The following KDM5B variants were observed in gnomAD, a reference collection of about 807,000 sequenced individuals.
The protein encoded by KDM5B is lysine-specific demethylase 5B.
A neutral mutation model predicts 193.4 loss-of-function variants in KDM5B; 144 were observed. The observed-to-expected ratio is 0.74, with a 90% CI of 0.65 to 0.86. The LOEUF (loss-of-function observed/expected upper bound fraction) is 0.86, where lower values mean the gene tolerates loss of function less well. KDM5B is among the 40% of genes least tolerant of loss of function. KDM5B has a pLI of 0.00. For synonymous variants in KDM5B, 668 were observed against 682.6 expected (o/e 0.98, Z 0.33); for missense variants, 1,833 against 1,886.9 (o/e 0.97, Z 0.53).
At chr1:202,795,912 T>C (rs1572779030) in intron 1 of KDM5B, 2 of 152,152 alleles carry the variant, frequency 1.3e-5, no homozygotes, top group East Asian at 1.9e-4. Context: ...TAATAAAATA[T>C]AGGGAGTAAA....
At position 202,758,438 on chromosome 1, in the gene KDM5B, C is replaced by G; in HGVS notation, c.1150G>C (p.Glu384Gln). 1.2e-6 allele frequency: 2 copies of G among 1,613,230 alleles called. No individual in the cohort carries two copies. The highest frequency in any genetic ancestry group is 1.7e-6 in the Non-Finnish European group (2 of 1,179,416). ...TCAGATTTGAACGCATCTGCCATTTCCCCAAAAGTACGGAGGGTATAGTCC... is the reference window on the plus strand; with the variant it reads ...TCAGATTTGAACGCATCTGCCATTTGCCCAAAAGTACGGAGGGTATAGTCC... The part of the protein sequence containing the change: ...ARDYTLRTFG[E>Q]MADAFKSDYF... The change falls in exon 9 of 27, where the codon GAA becomes CAA. Residue 384 changes from glutamate to glutamine, a missense_variant. By Grantham distance (29) the Glu-to-Gln change is conservative. This residue lies in a region of KDM5B where 99 missense variants were observed against 162.4 expected (regional missense o/e 0.61). Coordinates refer to ENST00000367265, the MANE Select transcript of KDM5B (RefSeq NM_006618.5).
intron 1 of KDM5B, among the ~76,000 whole-genome samples, chr1:202,786,178 A>G (rs868111164): frequency 6.4e-5 from 1 of 15,744 alleles, no homozygotes; most frequent in Non-Finnish European, 1.5e-4. Context: ...TTTTTTTTTT[A>G]AGAGACGGGG....
At chr1:202,750,189 T>G (rs1352967081) in intron 13 of KDM5B, among the ~76,000 whole-genome samples, 1 of 152,242 alleles carries the variant, frequency 6.6e-6, no homozygotes, top group Non-Finnish European at 1.5e-5. Flanking sequence ...ATTTACACTG[T>G]GGTACAAGTG....
intron 1 of KDM5B, among the ~76,000 whole-genome samples, chr1:202,805,629 A>G (rs887638996): frequency 3.3e-5 from 5 of 152,178 alleles, no homozygotes; most frequent in African/African-American, 9.7e-5. Flanking sequence ...TATATATATC[A>G]CCATGGAAAA....
At chr1:202,797,054 A>G (rs1255956244) in intron 1 of KDM5B, 1 of 152,220 alleles carries the variant, frequency 6.6e-6, no homozygotes, top group African/African-American at 2.4e-5. Flanking sequence ...GAGTTCAGCA[A>G]AAGTCTCTTA....
At chr1:202,793,883 G>A (rs950818316) in intron 1 of KDM5B, among the ~76,000 whole-genome samples, 1 of 152,102 alleles carries the variant, frequency 6.6e-6, no homozygotes, top group Admixed American at 6.6e-5. Flanking sequence ...CCAGAAGAGT[G>A]GGCTGCTACC....
At chr1:202,798,381 C>T (rs1657936937) in intron 1 of KDM5B, among the ~76,000 whole-genome samples, 1 of 151,242 alleles carries the variant, frequency 6.6e-6, no homozygotes, top group African/African-American at 2.4e-5. Context: ...GCAATCCTCC[C>T]ACCTGCACCT....
At chr1:202,766,243 C>T (rs186840342) in intron 5 of KDM5B, among the ~76,000 whole-genome samples, 48 of 152,158 alleles carry the variant, frequency 3.2e-4, no homozygotes, top group Non-Finnish European at 5.4e-4. Flanking sequence ...AGATGGCTCA[C>T]GCCTGTAATC....
chr1:202,767,228 C>CT (rs1656505917), intron 4 of KDM5B, 168 bp from the exon 5 acceptor site: 2 of 1,579,062 alleles, frequency 1.3e-6, no homozygotes, highest in Non-Finnish European at 1.7e-6. Context: ...CTGAAACACC[C>CT]TTATGTTTTA....
rs200183374 is a variant in KDM5B, at chr1:202,742,648, C to T, written c.2474+7G>A. ...GAATCCAAACTCACGCAGTCAGAAG[C>T]GCATACCTAGTTTGCCTTTTGCCAT... On this transcript the variant is annotated splice_region_variant and intron_variant, in intron 17 of 26. Coordinates refer to ENST00000367265, the MANE Select transcript of KDM5B (RefSeq NM_006618.5). The T allele has an allele frequency of 4.0e-4, 640 of 1,613,668 alleles. 1 individual carries two copies. Among genetic ancestry groups the T allele is most frequent in the Non-Finnish European group, 2.1e-4 (246 of 1,179,794 alleles).
In KDM5B at chr1:202,767,152, C is replaced by T. The variant is rs746067514; in HGVS notation, c.577-92G>A. 8.8e-5 allele frequency: 138 copies of T among 1,576,044 alleles called. 1 individual carries two copies. In the South Asian group the frequency reaches 1.2e-3, roughly 14 times the overall value. ...ACATATCTAGCATGCCACATGAGTTCGAGTTTGATCTACTTCCAGAGGCTG... is the reference window on the plus strand; with the variant it reads ...ACATATCTAGCATGCCACATGAGTTTGAGTTTGATCTACTTCCAGAGGCTG... On this transcript the variant is annotated intron_variant, in intron 4 of 26. Coordinates refer to ENST00000367265, the MANE Select transcript of KDM5B (RefSeq NM_006618.5).
At chr1:202,789,397 T>C (rs1558515323) in intron 1 of KDM5B, among the ~76,000 whole-genome samples, 3 of 150,484 alleles carry the variant, frequency 2.0e-5, no homozygotes, top group Non-Finnish European at 4.4e-5. Context: ...GGTGGGCGCC[T>C]ATAATCCCAG....
rs1331376598 is a variant in KDM5B at position 202,808,085 on chromosome 1, G to A, written c.204+17C>T. The stretch of plus-strand genomic sequence containing the variant: ...CCCCCAGCCACGAGCTGGATCCGGG[G>A]TGCTGGCGTGACTCACCGGCGGCGG... On this transcript the variant is annotated intron_variant, in intron 1 of 26. Coordinates refer to ENST00000367265, the MANE Select transcript of KDM5B (RefSeq NM_006618.5). 4 of 1,608,558 alleles carry A rather than the reference G, an allele frequency of 2.5e-6. No individual in the cohort carries two copies. Among genetic ancestry groups the A allele is most frequent in the Non-Finnish European group, 3.4e-6 (4 of 1,177,984 alleles).
rs1283430371 is a variant in KDM5B at position 202,746,239 on chromosome 1, T to C, written c.2101A>G (p.Met701Val). 5 of 1,613,632 alleles carry C rather than the reference T, an allele frequency of 3.1e-6. No individual in the cohort carries two copies. The highest frequency in any genetic ancestry group is 1.6e-4 in the Middle Eastern group (1 of 6,062). ...TTACAAGAACAGGAGATGGCAGACATGAAGCATGTAGTTTTGCATTTTACA... is the reference window on the plus strand; with the variant it reads ...TTACAAGAACAGGAGATGGCAGACACGAAGCATGTAGTTTTGCATTTTACA... ...QCVKCKTTCF[M>V]SAISCSCKPG... Residue 701 changes from methionine to valine, a missense_variant, in exon 15 of 27, where the codon ATG becomes GTG. Met to Val is a conservative substitution (Grantham distance 21). This residue lies in a region of KDM5B where 1,379 missense variants were observed against 1,349.6 expected (regional missense o/e 1.02). Transcript: ENST00000367265.
chr1:202,787,586 G>A (rs989933713), intron 1 of KDM5B, among the ~76,000 whole-genome samples: 1 of 151,750 alleles, frequency 6.6e-6, no homozygotes, highest in African/African-American at 2.4e-5. Context: ...ATATTGTTTC[G>A]GTTAAAAGTA....
At chr1:202,762,587 A>C in intron 7 of KDM5B, 112 bp downstream of exon 7, 1 of 695,570 alleles carries the variant, frequency 1.4e-6, no homozygotes, top group Admixed American at 2.3e-5. Flanking sequence ...TAAGTTAAAC[A>C]ATCTTATTTA....
At chr1:202,752,505 A>T (rs879760584) in intron 12 of KDM5B, among the ~76,000 whole-genome samples, 1 of 152,184 alleles carries the variant, frequency 6.6e-6, no homozygotes, top group Non-Finnish European at 1.5e-5. Flanking sequence ...TTCTCAGAAC[A>T]TATCCCTGTT....
In KDM5B at chr1:202,742,639, A is replaced by G. The variant is rs1259606841; in HGVS notation, c.2474+16T>C. On this transcript the variant is annotated intron_variant, in intron 17 of 26. Transcript: ENST00000367265. ...GGTGCCAAAGAATCCAAACTCACGC[A>G]GTCAGAAGCGCATACCTAGTTTGCC... 3 of 1,612,796 alleles carry G rather than the reference A, an allele frequency of 1.9e-6. No homozygotes were observed. Among genetic ancestry groups the G allele is most frequent in the South Asian group, 2.2e-5 (2 of 90,922 alleles).
At position 202,752,806 on chromosome 1, in the gene KDM5B, A is replaced by C. The variant is rs895673429; in HGVS notation, c.1701+99T>G. ...TCTGCTATCAAGTCATGCTATGGAAAACACAGAACTAAATCAACATCATAA... is the reference window on the plus strand; with the variant it reads ...TCTGCTATCAAGTCATGCTATGGAACACACAGAACTAAATCAACATCATAA... On this transcript the variant is annotated intron_variant, in intron 12 of 26. Transcript: ENST00000367265. The C allele has an allele frequency of 7.7e-6, 9 of 1,170,954 alleles. No individual in the cohort carries two copies. The Admixed American group carries it at 8.6e-5, about 11-fold the overall frequency. The allele number at this position is 1,170,954 out of a possible 1,614,324, so 72.5% of individuals were successfully genotyped here.
Sources: gnomAD v4.1 joint callset for allele counts (sites outside exome capture counted in the v4.1 genomes callset) on GRCh38, gnomAD v4.1.1 for gene constraint, gnomAD v4.1.1 regional missense constraint, MANE v1.5 for transcripts, NCBI Gene and HGNC (gene_info 2026-07-23, HGNC 2026-07-21) for gene names.